NEK1: variants seen among roughly 807,000 people sequenced by gnomAD.
The protein encoded by NEK1 is NIMA related kinase 1.
NEK1 carries 137 observed loss-of-function variants against 182.1 expected under a neutral mutation model. The ratio of observed to expected loss-of-function variants is 0.75; its 90% CI spans 0.65 to 0.87. The LOEUF is 0.87. Among genes scored for constraint, NEK1 ranks in the 40% least tolerant of loss-of-function variants. The pLI is 0.00. For synonymous variants in NEK1, 513 were observed against 492.2 expected, an observed-to-expected ratio of 1.04 and a Z score of -0.56; for missense variants, 1,391 against 1,494.4, an observed-to-expected ratio of 0.93 and a Z score of 1.14.
chr4:169,493,570 T>C (rs1040280815), intron 23 of NEK1, among the ~76,000 whole-genome samples: 3 of 152,118 alleles, frequency 2.0e-5, no homozygotes, highest in Non-Finnish European at 4.4e-5. Context: ...ACATGAAAGA[T>C]GACATAATGA....
At chr4:169,464,977 T>C (rs1744645347) in intron 26 of NEK1, among the ~76,000 whole-genome samples, 1 of 152,086 alleles carries the variant, frequency 6.6e-6, no homozygotes. Flanking sequence ...ATATGAAGTA[T>C]ACAGGTACCT....
chr4:169,486,114 CA>C (rs1278255015), intron 23 of NEK1, among the ~76,000 whole-genome samples: 5 of 148,598 alleles, frequency 3.4e-5, no homozygotes, highest in South Asian at 2.1e-4. Context: ...TAAAAATGTG[CA>C]AAAAAAAAGA....
intron 21 of NEK1, 113 bp downstream of exon 21, chr4:169,508,135 C>T: frequency 1.1e-6 from 1 of 883,948 alleles, no homozygotes; most frequent in South Asian, 1.7e-5. Context: ...TGAACTTCCA[C>T]TGTCGTCATC....
intron 24 of NEK1, among the ~76,000 whole-genome samples, 191 bp downstream of exon 24, chr4:169,479,212 G>A (rs986866547): frequency 9.9e-5 from 15 of 151,936 alleles, no homozygotes; most frequent in African/African-American, 3.1e-4. Context: ...CATCTACCAC[G>A]TGGTCCTAGA....
At chr4:169,560,776 GA>G (rs928229994) in intron 16 of NEK1, among the ~76,000 whole-genome samples, 4 of 150,400 alleles carry the variant, frequency 2.7e-5, no homozygotes, top group Non-Finnish European at 5.9e-5. Context: ...ACTGTTCTTG[GA>G]AAAAAAACTT....
At chr4:169,515,639 C>G (rs36172804) in intron 19 of NEK1, among the ~76,000 whole-genome samples, 1 of 111,734 alleles carries the variant, frequency 8.9e-6, no homozygotes, top group African/African-American at 3.4e-5. Flanking sequence ...TCTCCCAATG[C>G]TATCCCTCCC....
intron 12 of NEK1, among the ~76,000 whole-genome samples, chr4:169,569,407 T>A (rs1252967187): frequency 6.6e-6 from 1 of 151,822 alleles, no homozygotes; most frequent in Non-Finnish European, 1.5e-5. Flanking sequence ...CTTTTAAACA[T>A]TAAGAATAAA....
At chr4:169,529,097 A>C (rs1417329454) in intron 19 of NEK1, among the ~76,000 whole-genome samples, 1 of 152,198 alleles carries the variant, frequency 6.6e-6, no homozygotes, top group Non-Finnish European at 1.5e-5. Context: ...CAACATAGAA[A>C]ATTTGTAGAA....
chr4:169,406,680 A>G lies in NEK1; in HGVS notation c.3290T>C (p.Val1097Ala). 1 of 1,610,056 alleles carries G rather than the reference A, an allele frequency of 6.2e-7. No individual in the cohort carries two copies. The highest frequency in any genetic ancestry group is 8.5e-7 in the Non-Finnish European group (1 of 1,177,624). The part of the protein sequence containing the change: ...LFRTLMDVPT[V>A]GDVRQDNLEI... Reference sequence around the variant, plus strand: ...AAGATTGTCTTGACGAACATCTCCTACGGTGGGAACATCCATAAGGGTTCT... The same window carrying G: ...AAGATTGTCTTGACGAACATCTCCTGCGGTGGGAACATCCATAAGGGTTCT... Residue 1097 changes from valine to alanine, a missense_variant, in exon 32 of 36, where the codon GTA becomes GCA. Around this residue, in one of 5 missense-constraint regions of NEK1, gnomAD observed 1,216 missense variants for 1,277.6 expected, o/e 0.95. Transcript: ENST00000507142.
intron 23 of NEK1, among the ~76,000 whole-genome samples, chr4:169,487,013 A>G (rs1749152015): frequency 6.6e-6 from 1 of 152,190 alleles, no homozygotes; most frequent in African/African-American, 2.4e-5. Flanking sequence ...GGCCCTCCCA[A>G]AAAAAGGACC....
intron 23 of NEK1, among the ~76,000 whole-genome samples, chr4:169,502,485 T>C (rs1242103178): frequency 1.3e-5 from 2 of 152,062 alleles, no homozygotes; most frequent in East Asian, 3.9e-4. Flanking sequence ...AAATCCTCTA[T>C]AAAATATTAG....
intron 19 of NEK1, among the ~76,000 whole-genome samples, chr4:169,522,711 A>C (rs770961430): frequency 2.6e-5 from 4 of 152,150 alleles, no homozygotes; most frequent in Non-Finnish European, 5.9e-5. Flanking sequence ...AGGTACCATG[A>C]ATAAGTTGTG....
intron 19 of NEK1, among the ~76,000 whole-genome samples, chr4:169,513,530 C>CT (rs138491314): frequency 0.057 from 8,615 of 152,168 alleles, 247 homozygotes; most frequent in African/African-American, 0.072. Flanking sequence ...ATAGCAACAA[C>CT]TTTATTTCAT....
intron 26 of NEK1, among the ~76,000 whole-genome samples, chr4:169,471,980 C>T (rs1746057617): frequency 6.6e-6 from 1 of 152,008 alleles, no homozygotes; most frequent in African/African-American, 2.4e-5. Flanking sequence ...CTTGAGCATC[C>T]CAGGTCAACT....
At position 169,393,974 on chromosome 4, in the gene NEK1, G is replaced by C. The variant is rs955743912; in HGVS notation, c.*536C>G. 3 of 152,248 alleles carry C rather than the reference G, an allele frequency of 2.0e-5. No homozygotes were observed. Among genetic ancestry groups the C allele is most frequent in the African/African-American group, 7.2e-5 (3 of 41,456 alleles). The allele number at this position is 152,248 out of a possible 1,614,324, so 9.4% of individuals were successfully genotyped here. A position where few individuals can be genotyped will look rare whatever the true frequency, so the allele number is the denominator to read the frequency against. On this transcript the variant is annotated 3_prime_UTR_variant, in exon 36 of 36. Transcript: ENST00000507142. ...ACACACTGATTGTAAAAGGACTTGAGAATATAAACTTTAAGGCTAAAAATT... is the reference window on the plus strand; with the variant it reads ...ACACACTGATTGTAAAAGGACTTGACAATATAAACTTTAAGGCTAAAAATT...
chr4:169,600,036 C>T (rs185513966), intron 4 of NEK1, among the ~76,000 whole-genome samples: 141 of 152,124 alleles, frequency 9.3e-4, no homozygotes, highest in Admixed American at 1.9e-3. Flanking sequence ...TAGAAGAACA[C>T]TTTGATGATT....
chr4:169,477,006 TAGAA>T, intron 26 of NEK1, 114 bp downstream of exon 26: 1 of 671,580 alleles, frequency 1.5e-6, no homozygotes, highest in Non-Finnish European at 2.4e-6. Flanking sequence ...GGAAAATATA[TAGAA>T]TTCTTTCAGC....
chr4:169,567,779 G>C (rs1270125970), intron 12 of NEK1, among the ~76,000 whole-genome samples: 1 of 152,088 alleles, frequency 6.6e-6, no homozygotes, highest in African/African-American at 2.4e-5. Flanking sequence ...GACCATACTT[G>C]TCTGCCTGAT....
chr4:169,411,479 G>T (rs999412585), intron 31 of NEK1, among the ~76,000 whole-genome samples: 1 of 151,962 alleles, frequency 6.6e-6, no homozygotes, highest in African/African-American at 2.4e-5. Flanking sequence ...GGCATGTGCC[G>T]CCACACCTGG....
Sources: allele counts gnomAD v4.1 joint callset (sites outside exome capture counted in the v4.1 genomes callset), GRCh38; gene constraint gnomAD v4.1.1; regional missense constraint gnomAD v4.1.1; transcripts MANE v1.5; gene names NCBI Gene and HGNC (gene_info 2026-07-23, HGNC 2026-07-21).